ACMSD: variants seen among roughly 807,000 people sequenced by gnomAD.
ACMSD encodes aminocarboxymuconate semialdehyde decarboxylase, also known as 2-amino-3-carboxymuconate-6-semialdehyde decarboxylase.
ACMSD carries 37 observed loss-of-function variants against 45.9 expected under a neutral mutation model. That is an observed-to-expected ratio of 0.81 (90% CI 0.62 to 1.06). The LOEUF is 1.06. Among genes scored for constraint, ACMSD ranks in the 50% least tolerant of loss-of-function variants. The probability of loss-of-function intolerance (pLI) is 0.00; values close to 1 mark genes in which losing one functional copy is unlikely to be tolerated. For synonymous variants in ACMSD, 138 were observed against 148.8 expected (o/e 0.93, Z 0.53); for missense variants, 434 against 420.9 (o/e 1.03, Z -0.27).
chr2:134,867,519 C>A, intron 5 of ACMSD, 60 bp from the exon 6 acceptor site: 4 of 1,329,976 alleles, frequency 3.0e-6, no homozygotes, highest in Non-Finnish European at 4.3e-6. Context: ...CAAAACAGTA[C>A]CTGGTATCTG....
At chr2:134,864,917 A>G (rs1225698458) in intron 5 of ACMSD, among the ~76,000 whole-genome samples, 1 of 152,182 alleles carries the variant, frequency 6.6e-6, no homozygotes, top group Non-Finnish European at 1.5e-5. Flanking sequence ...TTCTCATCTC[A>G]GTACCAGGAT....
chr2:134,885,851 G>A lies in ACMSD; in HGVS notation c.850-12490G>A, dbSNP rs57774001. On this transcript the variant is annotated intron_variant, in intron 8 of 9. Transcript: ENST00000356140. ...AAGCTCATTACTCTATTAGAAAATT[G>A]CTCAAGTATTTTATCAGGAAAAGAA... Among the ~76,000 whole-genome samples, 3,060 of 152,104 alleles carry A rather than the reference G, an allele frequency of 0.02. 224 individuals are homozygous for A. In the East Asian group the frequency reaches 0.29, roughly 14 times the overall value.
intron 8 of ACMSD, among the ~76,000 whole-genome samples, chr2:134,896,597 A>G (rs1690165418): frequency 6.6e-6 from 1 of 152,194 alleles, no homozygotes; most frequent in Non-Finnish European, 1.5e-5. Context: ...TAAAAACTAC[A>G]GTGAGATACC....
At chr2:134,879,854 C>T (rs867284955) in intron 8 of ACMSD, among the ~76,000 whole-genome samples, 4 of 152,176 alleles carry the variant, frequency 2.6e-5, no homozygotes, top group Non-Finnish European at 5.9e-5. Context: ...GACTGAGTTG[C>T]TATTTAAACC....
At chr2:134,840,167 C>CAAAAAAAAAAAAAAAAACAAAAAAAA (rs1686720438) in intron 1 of ACMSD, among the ~76,000 whole-genome samples, 1 of 23,434 alleles carries the variant, frequency 4.3e-5, no homozygotes, top group African/African-American at 1.4e-4. Context: ...CTATACCTAG[C>CAAAAAAAAAAAAAAAAACAAAAAAAA]AAAAAAAAAA....
At chr2:134,839,797 C>G (rs1435829597) in intron 1 of ACMSD, among the ~76,000 whole-genome samples, 2 of 152,162 alleles carry the variant, frequency 1.3e-5, no homozygotes, top group Non-Finnish European at 2.9e-5. Context: ...TCTCAACCTG[C>G]TCTTCCTAAA....
chr2:134,843,535 G>A (rs1304023522), intron 1 of ACMSD, among the ~76,000 whole-genome samples: 1 of 152,116 alleles, frequency 6.6e-6, no homozygotes, highest in African/African-American at 2.4e-5. Flanking sequence ...CAGTCTAGTG[G>A]TGAAGGGAGC....
intron 2 of ACMSD, among the ~76,000 whole-genome samples, chr2:134,851,107 G>C (rs1687320104): frequency 6.6e-6 from 1 of 152,312 alleles, no homozygotes; most frequent in Non-Finnish European, 1.5e-5. Context: ...GTGCATCTGT[G>C]TTGCTGCAAG....
chr2:134,850,657 AT>A (rs1458234537), intron 2 of ACMSD, among the ~76,000 whole-genome samples: 2 of 107,310 alleles, frequency 1.9e-5, no homozygotes, highest in South Asian at 4.3e-4. Flanking sequence ...TTTAAGAATA[AT>A]TTATTATTAT....
At chr2:134,843,648 G>A (rs1686912656) in intron 1 of ACMSD, among the ~76,000 whole-genome samples, 1 of 152,142 alleles carries the variant, frequency 6.6e-6, no homozygotes, top group Non-Finnish European at 1.5e-5. Flanking sequence ...CCACAAGTGA[G>A]AGGTTGAGTT....
chr2:134,875,359 T>G (rs900664338), intron 8 of ACMSD, among the ~76,000 whole-genome samples: 1 of 152,220 alleles, frequency 6.6e-6, no homozygotes, highest in Non-Finnish European at 1.5e-5. Flanking sequence ...TGATTGTTTA[T>G]GTATAAACTT....
intron 8 of ACMSD, among the ~76,000 whole-genome samples, chr2:134,887,607 T>A (rs1689535928): frequency 6.6e-6 from 1 of 152,224 alleles, no homozygotes; most frequent in Admixed American, 6.5e-5. Flanking sequence ...TTTCACCATG[T>A]TGCCCAGGCT....
intron 1 of ACMSD, among the ~76,000 whole-genome samples, chr2:134,844,129 TAA>T (rs906777104): frequency 6.6e-6 from 1 of 152,238 alleles, no homozygotes; most frequent in African/African-American, 2.4e-5. Context: ...TATGATATGA[TAA>T]AGTCAATAGT....
In ACMSD at chr2:134,840,166, G is replaced by GAAAAAAAA. The variant is rs1559034706; in HGVS notation, c.57+1427_57+1428insAAAAAAAA. ...TTAAAATAGCCATAAACTATACCTA[G>GAAAAAAAA]CAAAAAAAAAAAAAAAAAAAAAAAA... On this transcript the variant is annotated intron_variant, in intron 1 of 9. Coordinates refer to ENST00000356140, the MANE Select transcript of ACMSD (RefSeq NM_138326.3). Among the ~76,000 whole-genome samples the GAAAAAAAA allele has an allele frequency of 5.7e-3, 69 of 12,048 alleles. 1 individual carries two copies. The highest frequency in any genetic ancestry group is 0.024 in the African/African-American group (66 of 2,708). 7.9% of individuals were successfully genotyped at this position (12,048 alleles called of 152,430 possible).
intron 9 of ACMSD, 54 bp downstream of exon 9, chr2:134,898,493 G>C: frequency 7.4e-7 from 1 of 1,353,960 alleles, no homozygotes; most frequent in Non-Finnish European, 1.0e-6. Context: ...GCTCTAATTG[G>C]GTTTGGTTTC....
At chr2:134,856,886 G>A (rs562931108) in intron 2 of ACMSD, among the ~76,000 whole-genome samples, 1 of 145,946 alleles carries the variant, frequency 6.9e-6, no homozygotes, top group South Asian at 2.3e-4. Context: ...GATCTTTTGT[G>A]GTTTACATGA....
chr2:134,859,333 C>A lies in ACMSD; in HGVS notation c.175C>A (p.Arg59Ser). The change falls in exon 3 of 10, where the codon CGT (arginine) becomes AGT (serine). Residue 59 changes from arginine to serine, a missense_variant. By Grantham distance (110) the Arg-to-Ser change is moderately radical. Transcript: ENST00000356140. ...VRENCWDPEVRIREMDQKGVT... is the reference protein window; with the variant it reads ...VRENCWDPEVSIREMDQKGVT... ...AGAGAATTGCTGGGATCCAGAAGTT[C>A]GTATTAGAGAAATGGACCAAAAAGG... 6.2e-7 allele frequency: 1 copy of A among 1,613,918 alleles called. No homozygotes were observed. The highest frequency in any genetic ancestry group is 8.5e-7 in the Non-Finnish European group (1 of 1,179,968).
chr2:134,885,758 T>A (rs901187095), intron 8 of ACMSD, among the ~76,000 whole-genome samples: 4 of 152,184 alleles, frequency 2.6e-5, no homozygotes, highest in Non-Finnish European at 4.4e-5. Flanking sequence ...TTTGCCTTAT[T>A]GGTTAAAGGT....
intron 2 of ACMSD, among the ~76,000 whole-genome samples, chr2:134,850,672 T>TATA (rs1255580362): frequency 6.6e-6 from 1 of 151,992 alleles, no homozygotes; most frequent in African/African-American, 2.4e-5. Flanking sequence ...TTATTATTAT[T>TATA]ATATAAGTAA....
Sources: allele counts gnomAD v4.1 joint callset (sites outside exome capture counted in the v4.1 genomes callset), GRCh38; gene constraint gnomAD v4.1.1; transcripts MANE v1.5; gene names NCBI Gene and HGNC (gene_info 2026-07-23, HGNC 2026-07-21).